Variants in HPSE2 observed in about 807,000 individuals in gnomAD.
HPSE2 encodes the protein inactive heparanase-2.
A neutral mutation model predicts 60.5 loss-of-function variants in HPSE2; 38 were observed. The ratio of observed to expected loss-of-function variants is 0.63; its 90% CI spans 0.48 to 0.82. The LOEUF is 0.82. Among genes scored for constraint, HPSE2 ranks in the 40% least tolerant of loss-of-function variants. The pLI is 0.00. For synonymous variants in HPSE2, 295 were observed against 293.2 expected (o/e 1.01, Z -0.06); for missense variants, 713 against 740.4 (o/e 0.96, Z 0.43).
chr10:98,565,689 C>A (rs1944322670), intron 9 of HPSE2, among the ~76,000 whole-genome samples: 3 of 152,140 alleles, frequency 2.0e-5, no homozygotes, highest in Non-Finnish European at 2.9e-5. Flanking sequence ...TGGGTATACA[C>A]CCAGTAATGG....
chr10:98,522,322 A>G (rs1485535930), intron 9 of HPSE2, among the ~76,000 whole-genome samples: 1 of 152,050 alleles, frequency 6.6e-6, no homozygotes, highest in Non-Finnish European at 1.5e-5. Flanking sequence ...GAGATAGAGA[A>G]TCTTTGTTCC....
chr10:98,595,938 T>C (rs1945223550), intron 9 of HPSE2, among the ~76,000 whole-genome samples: 1 of 152,242 alleles, frequency 6.6e-6, no homozygotes, highest in Non-Finnish European at 1.5e-5. Context: ...CATATGCTTT[T>C]TCTACATCTA....
At chr10:99,199,565 C>T (rs1427341335) in intron 2 of HPSE2, among the ~76,000 whole-genome samples, 1 of 152,104 alleles carries the variant, frequency 6.6e-6, no homozygotes, top group African/African-American at 2.4e-5. Flanking sequence ...TTATGGCACC[C>T]TTGTCAAGGA....
chr10:98,962,173 G>A (rs1360141217), intron 3 of HPSE2, among the ~76,000 whole-genome samples: 1 of 59,970 alleles, frequency 1.7e-5, no homozygotes, highest in East Asian at 4.3e-4. Flanking sequence ...AAGTCAGGTA[G>A]TGTGATGCCT....
intron 6 of HPSE2, among the ~76,000 whole-genome samples, chr10:98,650,276 C>A (rs2134058660): frequency 6.6e-6 from 1 of 152,304 alleles, no homozygotes; most frequent in South Asian, 2.1e-4. Context: ...CATGTGAGGC[C>A]ATCCCCAAGG....
intron 6 of HPSE2, among the ~76,000 whole-genome samples, chr10:98,689,667 T>A (rs1948022832): frequency 6.6e-6 from 1 of 152,218 alleles, no homozygotes; most frequent in Non-Finnish European, 1.5e-5. Flanking sequence ...TAATTTTTTT[T>A]ATTGTATGTA....
At chr10:98,762,888 T>A (rs1020633074) in intron 3 of HPSE2, among the ~76,000 whole-genome samples, 13 of 152,100 alleles carry the variant, frequency 8.5e-5, no homozygotes, top group Non-Finnish European at 1.8e-4. Flanking sequence ...AGACATTGTA[T>A]TATCAAATAA....
intron 3 of HPSE2, among the ~76,000 whole-genome samples, chr10:98,894,758 C>T (rs944184690): frequency 4.6e-5 from 7 of 151,262 alleles, no homozygotes; most frequent in Non-Finnish European, 8.8e-5. Context: ...TTGATGAAAA[C>T]GTGAATTTTC....
the HPSE2 span, among the ~76,000 whole-genome samples, chr10:99,257,780 A>AT: frequency 6.6e-6 from 1 of 152,130 alleles, no homozygotes; most frequent in Non-Finnish European, 1.5e-5. Flanking sequence ...GAAATCACTA[A>AT]TAAAAACTTG....
chr10:99,061,438 TTTTCA>T (rs749215618), intron 3 of HPSE2, among the ~76,000 whole-genome samples: 17 of 152,260 alleles, frequency 1.1e-4, no homozygotes, highest in Non-Finnish European at 2.2e-4. Context: ...CTGGGGTTTG[TTTTCA>T]TTTGTTTTTT....
At chr10:98,518,136 G>A (rs899714622) in intron 9 of HPSE2, among the ~76,000 whole-genome samples, 2 of 152,176 alleles carry the variant, frequency 1.3e-5, no homozygotes, top group Non-Finnish European at 2.9e-5. Flanking sequence ...GTTTTTGCCT[G>A]GAGTTGGTCA....
At chr10:99,202,413 A>G (rs578257010) in intron 2 of HPSE2, among the ~76,000 whole-genome samples, 1 of 152,308 alleles carries the variant, frequency 6.6e-6, no homozygotes, top group African/African-American at 2.4e-5. Context: ...TTTTAAATGG[A>G]GCAAGAGTAA....
At chr10:98,511,400 T>C (rs1353393498) in intron 9 of HPSE2, among the ~76,000 whole-genome samples, 2 of 152,182 alleles carry the variant, frequency 1.3e-5, no homozygotes, top group Non-Finnish European at 2.9e-5. Context: ...TCCACACGCC[T>C]TGGCCTCCCA....
chr10:98,591,556 G>T (rs932304165), intron 9 of HPSE2, among the ~76,000 whole-genome samples: 1 of 152,084 alleles, frequency 6.6e-6, no homozygotes, highest in Admixed American at 6.6e-5. Flanking sequence ...CCAGCTACTT[G>T]GGAGTTGAGG....
chr10:99,144,688 G>C (rs1212960704), intron 2 of HPSE2, among the ~76,000 whole-genome samples: 3 of 152,134 alleles, frequency 2.0e-5, no homozygotes, highest in Non-Finnish European at 2.9e-5. Flanking sequence ...TTCAGGACTT[G>C]TTTACCTCCT....
chr10:98,558,150 G>A (rs1278368283), intron 9 of HPSE2, among the ~76,000 whole-genome samples: 2 of 152,100 alleles, frequency 1.3e-5, no homozygotes, highest in Admixed American at 1.3e-4. Context: ...ACAAGGCTGT[G>A]GAGAAACCAA....
chr10:98,640,550 T>C (rs1236905079), intron 7 of HPSE2, among the ~76,000 whole-genome samples: 1 of 152,222 alleles, frequency 6.6e-6, no homozygotes, highest in Non-Finnish European at 1.5e-5. Context: ...AAAATTGATG[T>C]TCTATGATTT....
chr10:99,198,085 A>G (rs1411874261), intron 2 of HPSE2, among the ~76,000 whole-genome samples: 1 of 151,788 alleles, frequency 6.6e-6, no homozygotes, highest in Non-Finnish European at 1.5e-5. Context: ...AAAAAAAGTG[A>G]ATTTTTTCCA....
chr10:99,239,418 G>GTTTTTTTTT (rs760549054), upstream of HPSE2, among the ~76,000 whole-genome samples: 1 of 100,404 alleles, frequency 1.0e-5, no homozygotes, highest in African/African-American at 4.1e-5. Flanking sequence ...GTTTGTCAAG[G>GTTTTTTTTT]TTTTTTTTTT....
Sources: allele counts gnomAD v4.1 joint callset (sites outside exome capture counted in the v4.1 genomes callset), GRCh38; gene constraint gnomAD v4.1.1; transcripts MANE v1.5; gene names NCBI Gene and HGNC (gene_info 2026-07-23, HGNC 2026-07-21).